Variants in CDK19 observed in about 807,000 individuals in gnomAD.
CDK19 encodes cyclin dependent kinase 19.
In CDK19, 20 loss-of-function variants were observed where a neutral mutation model predicts 68.3. The observed-to-expected ratio is 0.29, with a 90% confidence interval of 0.21 to 0.43. The LOEUF (loss-of-function observed/expected upper bound fraction) is 0.43, where lower values mean the gene tolerates loss of function less well. Among genes scored for constraint, CDK19 ranks in the 20% least tolerant of loss-of-function variants. The pLI is 1.00. For missense variants in CDK19, 339 were observed against 623.5 expected (o/e 0.54, Z 4.86); for synonymous variants, 221 against 222.8 (o/e 0.99, Z 0.07).
intron 1 of CDK19, among the ~76,000 whole-genome samples, chr6:110,810,351 A>T (rs2115155824): frequency 6.6e-6 from 1 of 152,332 alleles, no homozygotes; most frequent in Non-Finnish European, 1.5e-5. Flanking sequence ...GACATGATTG[A>T]TTTTATAGGA....
At chr6:110,650,195 T>C (rs1415398442) in intron 4 of CDK19, among the ~76,000 whole-genome samples, 3 of 152,204 alleles carry the variant, frequency 2.0e-5, no homozygotes, top group African/African-American at 4.8e-5. Flanking sequence ...CTAAAGAATA[T>C]ACTGTTTAGA....
chr6:110,782,101 A>T (rs1322177497), intron 1 of CDK19, among the ~76,000 whole-genome samples: 1 of 152,238 alleles, frequency 6.6e-6, no homozygotes, highest in Non-Finnish European at 1.5e-5. Context: ...ATGATATAAT[A>T]GCTTTTATCT....
In CDK19 at chr6:110,691,661, A is replaced by C. The variant is rs568931228; in HGVS notation, c.205-21120T>G. On this transcript the variant is annotated intron_variant, in intron 2 of 12. Transcript: ENST00000368911. ...TTTATTATTATTATTTTTTCTTTTTATTTTGAGATGGAGTCTCGCTCTGTC... is the reference window on the plus strand; with the variant it reads ...TTTATTATTATTATTTTTTCTTTTTCTTTTGAGATGGAGTCTCGCTCTGTC... 1.5e-4 allele frequency among the ~76,000 whole-genome samples: 22 copies of C among 150,018 alleles called. No individual in the cohort carries two copies. In the East Asian group the frequency reaches 2.8e-3, roughly 19 times the overall value.
chr6:110,692,926 G>A (rs892470843), intron 2 of CDK19, among the ~76,000 whole-genome samples: 3 of 152,170 alleles, frequency 2.0e-5, no homozygotes, highest in African/African-American at 7.2e-5. Context: ...GAACCCGGGA[G>A]AAGGACGTTG....
intron 1 of CDK19, among the ~76,000 whole-genome samples, chr6:110,749,758 CA>C (rs1778335866): frequency 1.3e-5 from 2 of 152,038 alleles, no homozygotes; most frequent in African/African-American, 4.8e-5. Context: ...TTTGCCTCAT[CA>C]TATGAATGAC....
At chr6:110,628,444 T>C (rs1779227662) in intron 6 of CDK19, among the ~76,000 whole-genome samples, 1 of 152,218 alleles carries the variant, frequency 6.6e-6, no homozygotes, top group South Asian at 2.1e-4. Flanking sequence ...TTTTAAATTG[T>C]GTACCATTCT....
intron 4 of CDK19, among the ~76,000 whole-genome samples, chr6:110,664,676 T>C (rs868749668): frequency 6.6e-6 from 1 of 152,234 alleles, no homozygotes. Context: ...GAGTCAGACA[T>C]AGATCTTGCT....
intron 2 of CDK19, among the ~76,000 whole-genome samples, chr6:110,703,305 T>C (rs1040081054): frequency 6.6e-6 from 1 of 152,186 alleles, no homozygotes; most frequent in African/African-American, 2.4e-5. Context: ...TAAGATATTA[T>C]GTTAGCAGTA....
At chr6:110,651,245 C>CTATT (rs1447110683) in intron 4 of CDK19, among the ~76,000 whole-genome samples, 1 of 151,762 alleles carries the variant, frequency 6.6e-6, no homozygotes, top group Non-Finnish European at 1.5e-5. Context: ...ATCTATCTAT[C>CTATT]TATCTATCTA....
intron 2 of CDK19, among the ~76,000 whole-genome samples, chr6:110,702,321 T>C (rs865791584): frequency 1.2e-4 from 18 of 151,820 alleles, no homozygotes; most frequent in African/African-American, 4.1e-4. Flanking sequence ...TGGTTGCTCA[T>C]ACCTGTAGTC....
chr6:110,804,815 G>A (rs1405355754), intron 1 of CDK19, among the ~76,000 whole-genome samples: 1 of 151,586 alleles, frequency 6.6e-6, no homozygotes, highest in Non-Finnish European at 1.5e-5. Flanking sequence ...AATTAGCCGG[G>A]CGTGGTGGCG....
chr6:110,662,807 T>C (rs995216311), intron 4 of CDK19, among the ~76,000 whole-genome samples: 11 of 152,216 alleles, frequency 7.2e-5, no homozygotes, highest in Admixed American at 2.6e-4. Flanking sequence ...GTTCCAAATA[T>C]TTATAGACTT....
chr6:110,690,422 G>C (rs959035512), intron 2 of CDK19, among the ~76,000 whole-genome samples: 3 of 151,252 alleles, frequency 2.0e-5, no homozygotes, highest in African/African-American at 7.3e-5. Context: ...TCCCCCGTAA[G>C]ACCTCAGTGC....
At chr6:110,699,909 C>T (rs995390017) in intron 2 of CDK19, among the ~76,000 whole-genome samples, 2 of 152,152 alleles carry the variant, frequency 1.3e-5, no homozygotes, top group Non-Finnish European at 2.9e-5. Context: ...AACCCCTGGG[C>T]CATGGACCCA....
In CDK19 at chr6:110,648,546, T is replaced by C. The variant is rs977847207; in HGVS notation, c.457-9840A>G. The stretch of plus-strand genomic sequence containing the variant: ...GAAATCTTTTTTCTTTTCTTTTTTT[T>C]TTTTTTTTTTTTGAGAAGGAGTCTC... On this transcript the variant is annotated intron_variant, in intron 4 of 12. Transcript: ENST00000368911. Among the ~76,000 whole-genome samples the C allele has an allele frequency of 1.7e-4, 24 of 145,298 alleles. No individual in the cohort carries two copies. In the South Asian group the frequency reaches 2.3e-3, roughly 14 times the overall value.
chr6:110,759,418 A>ATATATATATATATATAT (rs1554219475), intron 1 of CDK19, among the ~76,000 whole-genome samples: 1 of 114,698 alleles, frequency 8.7e-6, no homozygotes, highest in African/African-American at 4.0e-5. Flanking sequence ...AAAAAAAAAA[A>ATATATATATATATATAT]AAAAAAAAAA....
chr6:110,628,815 C>T (rs1779257767), intron 6 of CDK19, among the ~76,000 whole-genome samples: 1 of 152,200 alleles, frequency 6.6e-6, no homozygotes, highest in African/African-American at 2.4e-5. Context: ...ATAATTTAGC[C>T]TTCTGGATAA....
chr6:110,655,372 A>T lies in CDK19; in HGVS notation c.456+12062T>A, dbSNP rs535039528. 8.8e-4 allele frequency among the ~76,000 whole-genome samples: 134 copies of T among 152,110 alleles called. 2 individuals carry two copies. The South Asian group carries it at 0.013, about 15-fold the overall frequency. ...CAGAGCAAGACTCCATCTCAAAAAAAAAAAAATAAATAAAAATAAAAATCC... is the reference window on the plus strand; with the variant it reads ...CAGAGCAAGACTCCATCTCAAAAAATAAAAAATAAATAAAAATAAAAATCC... On this transcript the variant is annotated intron_variant, in intron 4 of 12. Coordinates refer to ENST00000368911, the MANE Select transcript of CDK19 (RefSeq NM_015076.5).
In CDK19 at chr6:110,610,554, A is replaced by G. The variant is rs9386925; in HGVS notation, c.*3981T>C. On this transcript the variant is annotated 3_prime_UTR_variant, in exon 13 of 13. Coordinates refer to ENST00000368911, the MANE Select transcript of CDK19 (RefSeq NM_015076.5). Reference sequence around the variant, plus strand: ...TAGAAGAGTAAGTATGGCCTTAGGTACAACACGTTTTTTAAAAACCCTAAA... The same window carrying G: ...TAGAAGAGTAAGTATGGCCTTAGGTGCAACACGTTTTTTAAAAACCCTAAA... 7.2e-5 allele frequency: 11 copies of G among 152,436 alleles called. No homozygotes were observed. In the East Asian group the frequency reaches 2.1e-3, roughly 29 times the overall value. 9.4% of individuals were successfully genotyped at this position (152,436 alleles called of 1,614,324 possible). A position where few individuals can be genotyped will look rare whatever the true frequency, so the allele number is the denominator to read the frequency against.
Sources: gnomAD v4.1 joint callset for allele counts (sites outside exome capture counted in the v4.1 genomes callset) on GRCh38, gnomAD v4.1.1 for gene constraint, MANE v1.5 for transcripts, NCBI Gene and HGNC (gene_info 2026-07-23, HGNC 2026-07-21) for gene names.